PTPN11: variants seen among roughly 807,000 people sequenced by gnomAD.
PTPN11 encodes protein tyrosine phosphatase non-receptor type 11.
In PTPN11, 6 loss-of-function variants were observed where a neutral mutation model predicts 78.8. The ratio of observed to expected loss-of-function variants is 0.08; its 90% CI spans 0.04 to 0.15. PTPN11 has a LOEUF of 0.15. Among genes scored for constraint, PTPN11 ranks in the 10% least tolerant of loss-of-function variants. PTPN11 has a pLI of 1.00. For synonymous variants in PTPN11, 221 were observed against 263.5 expected (o/e 0.84, Z 1.56); for missense variants, 386 against 744.8 (o/e 0.52, Z 5.61).
At chr12:112,483,745 A>C (rs189775924) in intron 10 of PTPN11, among the ~76,000 whole-genome samples, 19 of 152,270 alleles carry the variant, frequency 1.2e-4, no homozygotes, top group Non-Finnish European at 2.4e-4. Flanking sequence ...GCCTGAAAGA[A>C]GAGGACCCAG....
At chr12:112,431,390 A>C (rs1320742313) in intron 1 of PTPN11, among the ~76,000 whole-genome samples, 1 of 152,142 alleles carries the variant, frequency 6.6e-6, no homozygotes, top group South Asian at 2.1e-4. Context: ...GCGAGACCCT[A>C]TCTCTAAAAA....
At chr12:112,436,238 T>C (rs1470835694) in intron 1 of PTPN11, among the ~76,000 whole-genome samples, 1 of 152,206 alleles carries the variant, frequency 6.6e-6, no homozygotes, top group African/African-American at 2.4e-5. Context: ...ACATAATCTA[T>C]GGTAGAGATA....
chr12:112,440,319 G>A (rs915964297), intron 1 of PTPN11, among the ~76,000 whole-genome samples: 5 of 152,062 alleles, frequency 3.3e-5, no homozygotes, highest in African/African-American at 1.2e-4. Context: ...TGTCGCCCAG[G>A]CTGGAGTGCA....
chr12:112,469,258 G>C (rs184034379), intron 6 of PTPN11, among the ~76,000 whole-genome samples: 154 of 152,188 alleles, frequency 1.0e-3, no homozygotes, highest in African/African-American at 3.5e-3. Context: ...AATGAGAAAG[G>C]CTTTCTCTTT....
Position 112,506,933 on chromosome 12 carries a change from C to A in PTPN11, c.*1141C>A. ...GTCCAGAATTGTCACAGTGTCCCTT[C>A]TACTTCCCTCTATTGATGATGATGA... is the stretch of plus-strand genomic sequence containing the variant. On this transcript the variant is annotated 3_prime_UTR_variant, in exon 16 of 16. Coordinates refer to ENST00000351677, the MANE Select transcript of PTPN11 (RefSeq NM_002834.5). 1 of 225,972 alleles carries A rather than the reference C, an allele frequency of 4.4e-6. No individual in the cohort carries two copies. Among genetic ancestry groups the A allele is most frequent in the South Asian group, 7.4e-5 (1 of 13,582 alleles). The allele number at this position is 225,972 out of a possible 1,614,324, so 14.0% of individuals were successfully genotyped here. A position where few individuals can be genotyped will look rare whatever the true frequency, so the allele number is the denominator to read the frequency against.
At chr12:112,456,498 GC>G (rs1354227951) in intron 6 of PTPN11, among the ~76,000 whole-genome samples, 1 of 145,332 alleles carries the variant, frequency 6.9e-6, no homozygotes, top group Non-Finnish European at 1.5e-5. Context: ...TCGCTCTGTC[GC>G]CGAAGCTGGA....
intron 13 of PTPN11, among the ~76,000 whole-genome samples, chr12:112,499,972 A>G (rs1290944930): frequency 7.8e-6 from 1 of 128,510 alleles, no homozygotes; most frequent in Non-Finnish European, 1.7e-5. Context: ...GGCCAGGCAC[A>G]GTGGCTCAGG....
At chr12:112,479,494 G>A (rs1246576476) in intron 9 of PTPN11, among the ~76,000 whole-genome samples, 2 of 152,168 alleles carry the variant, frequency 1.3e-5, no homozygotes, top group Admixed American at 6.5e-5. Flanking sequence ...CTCCTAGTTG[G>A]TATACTTCTG....
chr12:112,479,274 A>G (rs1403151683), intron 9 of PTPN11, among the ~76,000 whole-genome samples: 2 of 152,130 alleles, frequency 1.3e-5, no homozygotes, highest in Non-Finnish European at 2.9e-5. Flanking sequence ...TAAATATGGA[A>G]AAGTTCTGTG....
chr12:112,455,990 G>T lies in PTPN11; in HGVS notation c.683G>T (p.Ser228Ile), dbSNP rs748085966. Residue 228 changes from serine to isoleucine, a missense_variant, in exon 6 of 16, where the codon AGC becomes ATC. Ser to Ile is a moderately radical substitution (Grantham distance 142). Transcript: ENST00000351677. ...CGTATAAATGCTGCTGAAATAGAAA[G>T]CAGAGTTCGAGAACTAAGCAAATTA... ...TTRINAAEIE[S>I]RVRELSKLAE... The T allele has an allele frequency of 1.9e-6, 3 of 1,611,966 alleles. No individual in the cohort carries two copies. Among genetic ancestry groups the T allele is most frequent in the Non-Finnish European group, 2.5e-6 (3 of 1,179,098 alleles).
At chr12:112,440,678 A>T (rs2037873528) in intron 1 of PTPN11, among the ~76,000 whole-genome samples, 1 of 141,210 alleles carries the variant, frequency 7.1e-6, no homozygotes, top group African/African-American at 2.7e-5. Context: ...GGTTCAAGTG[A>T]TTCTCCTGCC....
rs2135934828 is a variant in PTPN11, at chr12:112,509,134, T to C, written c.*3342T>C. Reference sequence around the variant, plus strand: ...TCAACTTTCACACATAGCAAGCACATGGCCTCCCTGATGTCAGGATGCCTT... The same window carrying C: ...TCAACTTTCACACATAGCAAGCACACGGCCTCCCTGATGTCAGGATGCCTT... On this transcript the variant is annotated 3_prime_UTR_variant, in exon 16 of 16. Coordinates refer to ENST00000351677, the MANE Select transcript of PTPN11 (RefSeq NM_002834.5). 1 of 152,388 alleles carries C rather than the reference T, an allele frequency of 6.6e-6. No individual in the cohort carries two copies. The highest frequency in any genetic ancestry group is 2.1e-4 in the South Asian group (1 of 4,834). The allele number at this position is 152,388 out of a possible 1,614,324, so 9.4% of individuals were successfully genotyped here. A position where few individuals can be genotyped will look rare whatever the true frequency, so the allele number is the denominator to read the frequency against.
Position 112,507,531 on chromosome 12 carries a change from A to C in PTPN11, c.*1739A>C, listed in dbSNP as rs1477468204. On this transcript the variant is annotated 3_prime_UTR_variant, in exon 16 of 16. Transcript: ENST00000351677. ...TGTAGCCAACCAGTAAGATTTGCTA[A>C]TGTTCTACATTAAGTGCCTTCTCCA... 1.3e-5 allele frequency: 2 copies of C among 152,800 alleles called. No homozygotes were observed. The highest frequency in any genetic ancestry group is 4.8e-5 in the African/African-American group (2 of 41,452). The allele number at this position is 152,800 out of a possible 1,614,324, so 9.5% of individuals were successfully genotyped here. A position where few individuals can be genotyped will look rare whatever the true frequency, so the allele number is the denominator to read the frequency against.
At chr12:112,432,699 C>T (rs930665794) in intron 1 of PTPN11, among the ~76,000 whole-genome samples, 2 of 150,204 alleles carry the variant, frequency 1.3e-5, no homozygotes, top group African/African-American at 2.4e-5. Flanking sequence ...ATATTATGGG[C>T]CCAGCCACAG....
chr12:112,444,097 T>C (rs1026837601), intron 1 of PTPN11, among the ~76,000 whole-genome samples: 1 of 152,134 alleles, frequency 6.6e-6, no homozygotes, highest in Non-Finnish European at 1.5e-5. Context: ...GGCTGAGGAT[T>C]AAGTTTCAAC....
intron 13 of PTPN11, among the ~76,000 whole-genome samples, chr12:112,495,830 G>A (rs1325985623): frequency 1.3e-5 from 2 of 152,114 alleles, no homozygotes; most frequent in Non-Finnish European, 1.5e-5. Flanking sequence ...AATGTGTTGA[G>A]TACTGTACTC....
chr12:112,497,475 A>C (rs2038827728), intron 13 of PTPN11, among the ~76,000 whole-genome samples: 1 of 152,200 alleles, frequency 6.6e-6, no homozygotes, highest in Admixed American at 6.5e-5. Flanking sequence ...CTAGATGTAA[A>C]ATTTGAGTTA....
intron 1 of PTPN11, among the ~76,000 whole-genome samples, chr12:112,440,748 A>G (rs993372096): frequency 1.4e-5 from 2 of 147,176 alleles, no homozygotes; most frequent in African/African-American, 5.0e-5. Flanking sequence ...TAATTTTTGT[A>G]TTTTTAGTAC....
At chr12:112,424,824 C>T (rs1250797060) in intron 1 of PTPN11, among the ~76,000 whole-genome samples, 3 of 151,676 alleles carry the variant, frequency 2.0e-5, no homozygotes, top group Non-Finnish European at 2.9e-5. Context: ...CTCAGCCTCC[C>T]GAGTGGCTGG....
Sources: gnomAD v4.1 joint callset for allele counts (sites outside exome capture counted in the v4.1 genomes callset) on GRCh38, gnomAD v4.1.1 for gene constraint, MANE v1.5 for transcripts, NCBI Gene and HGNC (gene_info 2026-07-23, HGNC 2026-07-21) for gene names.